Variants in ST6GALNAC5 observed in about 807,000 individuals in gnomAD.
The protein encoded by ST6GALNAC5 is alpha-N-acetylgalactosaminide alpha-2,6-sialyltransferase 5.
ST6GALNAC5 carries 27 observed loss-of-function variants against 33.6 expected under a neutral mutation model. The observed-to-expected ratio is 0.80, with a 90% CI of 0.59 to 1.11. The LOEUF (loss-of-function observed/expected upper bound fraction) is 1.11. Among genes scored for constraint, ST6GALNAC5 ranks in the 50% least tolerant of loss-of-function variants. The probability of loss-of-function intolerance (pLI) is 0.00; values close to 1 mark genes in which losing one functional copy is unlikely to be tolerated. For missense variants in ST6GALNAC5, 428 were observed against 454.0 expected, an observed-to-expected ratio of 0.94 and a Z score of 0.52; for synonymous variants, 194 against 171.2, an observed-to-expected ratio of 1.13 and a Z score of -1.04.
In ST6GALNAC5 at chr1:77,046,908, T is replaced by C. The variant is rs141431535; in HGVS notation, c.671+2295T>C. On this transcript the variant is annotated intron_variant, in intron 3 of 4. Transcript: ENST00000477717. Reference sequence around the variant, plus strand: ...AATCATTTTAAGCTGATAAGTTAGATACTAAGTCATCATACCCTTTGGCCA... The same window carrying C: ...AATCATTTTAAGCTGATAAGTTAGACACTAAGTCATCATACCCTTTGGCCA... Among the ~76,000 whole-genome samples, 329 of 152,352 alleles carry C rather than the reference T, an allele frequency of 2.2e-3. 3 individuals carry two copies. The highest frequency in any genetic ancestry group is 7.6e-3 in the African/African-American group (318 of 41,576).
chr1:77,032,474 T>G (rs994193730), intron 2 of ST6GALNAC5, among the ~76,000 whole-genome samples: 4 of 152,018 alleles, frequency 2.6e-5, no homozygotes, highest in Non-Finnish European at 5.9e-5. Context: ...ATACAGGAGG[T>G]TGGGTCAGCA....
intron 2 of ST6GALNAC5, among the ~76,000 whole-genome samples, chr1:76,996,998 A>G (rs545805017): frequency 2.2e-4 from 34 of 152,312 alleles, no homozygotes; most frequent in African/African-American, 7.2e-4. Context: ...AGTTTCAGGA[A>G]CATCACATGA....
At chr1:76,988,285 C>A (rs982663953) in intron 2 of ST6GALNAC5, among the ~76,000 whole-genome samples, 5 of 151,900 alleles carry the variant, frequency 3.3e-5, no homozygotes, top group Admixed American at 6.6e-5. Flanking sequence ...TCCTGTATCA[C>A]GTTTTTGATT....
chr1:77,015,543 T>G (rs1456602255), intron 2 of ST6GALNAC5, among the ~76,000 whole-genome samples: 1 of 152,190 alleles, frequency 6.6e-6, no homozygotes. Flanking sequence ...AAAATTGTTC[T>G]AATTGTTTTA....
intron 2 of ST6GALNAC5, among the ~76,000 whole-genome samples, chr1:77,042,537 T>A (rs1297031350): frequency 2.0e-5 from 3 of 152,218 alleles, no homozygotes; most frequent in Admixed American, 6.5e-5. Flanking sequence ...AAACCCTAAG[T>A]GTTCACTGCT....
rs115901058 is a variant in ST6GALNAC5 at position 76,871,743 on chromosome 1, G to A, written c.261+3001G>A. On this transcript the variant is annotated intron_variant, in intron 2 of 4. Transcript: ENST00000477717. Reference sequence around the variant, plus strand: ...CTACTTCCTCTTTCACAAACTATGTGAGCTGCAATTGTAATTTCAGTATCA... The same window carrying A: ...CTACTTCCTCTTTCACAAACTATGTAAGCTGCAATTGTAATTTCAGTATCA... Among the ~76,000 whole-genome samples, 768 of 152,220 alleles carry A rather than the reference G, an allele frequency of 5.0e-3. 9 individuals carry two copies. Among genetic ancestry groups the A allele is most frequent in the African/African-American group, 0.018 (743 of 41,542 alleles).
intron 2 of ST6GALNAC5, among the ~76,000 whole-genome samples, chr1:76,953,217 A>G (rs1647823189): frequency 6.6e-6 from 1 of 152,076 alleles, no homozygotes; most frequent in African/African-American, 2.4e-5. Flanking sequence ...CCTAAAACTG[A>G]TTGCTGGGAC....
At chr1:76,937,306 A>G (rs766204994) in intron 2 of ST6GALNAC5, among the ~76,000 whole-genome samples, 2 of 152,058 alleles carry the variant, frequency 1.3e-5, no homozygotes, top group Non-Finnish European at 2.9e-5. Context: ...AAAATCACAC[A>G]GTAAAAATAA....
intron 2 of ST6GALNAC5, among the ~76,000 whole-genome samples, chr1:76,990,419 A>C (rs1649678705): frequency 6.6e-6 from 1 of 152,190 alleles, no homozygotes; most frequent in East Asian, 1.9e-4. Flanking sequence ...ATCCAGACAC[A>C]TGAGGTCTTA....
intron 3 of ST6GALNAC5, among the ~76,000 whole-genome samples, chr1:77,046,969 A>C (rs1652034624): frequency 6.6e-6 from 1 of 152,216 alleles, no homozygotes; most frequent in Admixed American, 6.5e-5. Flanking sequence ...ACAGCAAGGC[A>C]TATCCTGCTC....
At chr1:76,928,231 G>T (rs927906790) in intron 2 of ST6GALNAC5, among the ~76,000 whole-genome samples, 1 of 152,074 alleles carries the variant, frequency 6.6e-6, no homozygotes, top group Non-Finnish European at 1.5e-5. Flanking sequence ...AGAACATAAA[G>T]GTCGACAGCT....
At chr1:77,006,581 C>T (rs1054104991) in intron 2 of ST6GALNAC5, among the ~76,000 whole-genome samples, 33 of 152,248 alleles carry the variant, frequency 2.2e-4, no homozygotes, top group African/African-American at 7.2e-4. Flanking sequence ...CCTCAACCTC[C>T]AAAGTGCTGG....
At chr1:76,911,973 A>G (rs892784451) in intron 2 of ST6GALNAC5, among the ~76,000 whole-genome samples, 2 of 151,752 alleles carry the variant, frequency 1.3e-5, no homozygotes, top group Non-Finnish European at 2.9e-5. Flanking sequence ...CTAGCTTTTG[A>G]ATGTGTTCGC....
intron 2 of ST6GALNAC5, among the ~76,000 whole-genome samples, chr1:76,914,923 A>ACCC (rs1187062309): frequency 2.0e-5 from 3 of 152,062 alleles, no homozygotes; most frequent in Non-Finnish European, 2.9e-5. Flanking sequence ...AATGGGAGAA[A>ACCC]ATTTTTGCAA....
rs564029772 is a variant in ST6GALNAC5, at chr1:76,956,405, A to T, written c.261+87663A>T. On this transcript the variant is annotated intron_variant, in intron 2 of 4. Coordinates refer to ENST00000477717, the MANE Select transcript of ST6GALNAC5 (RefSeq NM_030965.3). The stretch of plus-strand genomic sequence containing the variant: ...TTATTACCCTCATTTTTCTATAGTC[A>T]CAAAAGCAGTAAGAGGTAGAACCTG... Among the ~76,000 whole-genome samples the T allele has an allele frequency of 3.3e-3, 497 of 152,302 alleles. 2 individuals are homozygous for T. Among genetic ancestry groups the T allele is most frequent in the Non-Finnish European group, 5.7e-3 (390 of 68,016 alleles).
intron 2 of ST6GALNAC5, among the ~76,000 whole-genome samples, chr1:76,936,642 T>C (rs111978039): frequency 0.014 from 2,192 of 152,222 alleles, 52 homozygotes; most frequent in African/African-American, 0.049. Context: ...GTTCCCTTTG[T>C]AGGGTCAACC....
intron 2 of ST6GALNAC5, among the ~76,000 whole-genome samples, chr1:77,040,383 G>A (rs1393192350): frequency 6.6e-6 from 1 of 152,230 alleles, no homozygotes; most frequent in African/African-American, 2.4e-5. Context: ...GAGTGTTAGT[G>A]TCTGACATAA....
chr1:76,876,735 GT>G (rs1557706508), intron 2 of ST6GALNAC5, among the ~76,000 whole-genome samples: 1 of 152,178 alleles, frequency 6.6e-6, no homozygotes. Context: ...CTTCACTGCT[GT>G]CCTTCAGGGA....
At chr1:76,970,618 G>C (rs972105511) in intron 2 of ST6GALNAC5, among the ~76,000 whole-genome samples, 2 of 152,166 alleles carry the variant, frequency 1.3e-5, no homozygotes, top group African/African-American at 4.8e-5. Context: ...GGGGAACCAA[G>C]TTGGAAAACA....
Sources: allele counts gnomAD v4.1 joint callset (sites outside exome capture counted in the v4.1 genomes callset), GRCh38; gene constraint gnomAD v4.1.1; transcripts MANE v1.5; gene names NCBI Gene and HGNC (gene_info 2026-07-23, HGNC 2026-07-21).